The following CPXM2 variants were observed in gnomAD, a reference collection of about 807,000 sequenced individuals.
CPXM2 encodes inactive carboxypeptidase-like protein X2.
In CPXM2, 66 loss-of-function variants were observed where a neutral mutation model predicts 86.1. The observed-to-expected ratio is 0.77, with a 90% CI of 0.63 to 0.94. The LOEUF (loss-of-function observed/expected upper bound fraction) is 0.94. Among genes scored for constraint, CPXM2 ranks in the 40% least tolerant of loss-of-function variants. The pLI is 0.00. For missense variants in CPXM2, 948 were observed against 1,026.3 expected, an observed-to-expected ratio of 0.92 and a Z score of 1.04; for synonymous variants, 388 against 400.2, an observed-to-expected ratio of 0.97 and a Z score of 0.36.
At chr10:123,796,881 C>T (rs144331988) in intron 6 of CPXM2, among the ~76,000 whole-genome samples, 5 of 152,276 alleles carry the variant, frequency 3.3e-5, no homozygotes, top group East Asian at 3.9e-4. Context: ...GGGTGGACTG[C>T]GGGTGAACAG....
At chr10:123,840,145 C>T (rs2134150323) in intron 4 of CPXM2, among the ~76,000 whole-genome samples, 1 of 152,310 alleles carries the variant, frequency 6.6e-6, no homozygotes, top group Non-Finnish European at 1.5e-5. Flanking sequence ...AGGCAAAAAT[C>T]CCCATGGATA....
chr10:123,750,769 T>C (rs778437839), intron 13 of CPXM2: 4 of 985,344 alleles, frequency 4.1e-6, no homozygotes, highest in Non-Finnish European at 4.8e-6. Context: ...ATGAGGGGTG[T>C]TGGCCATGTC....
chr10:123,883,907 AG>A lies in CPXM2; in HGVS notation c.305-3599del, dbSNP rs1249930097. On this transcript the variant is annotated intron_variant, in intron 1 of 13. Transcript: ENST00000241305. ...GGAAACAGTGTGCAGAGAAGGGGCC[AG>A]GATCAAGCCAGCATCTCCATCTGGG... Among the ~76,000 whole-genome samples, 15 of 152,240 alleles carry A rather than the reference AG, an allele frequency of 9.9e-5. 1 individual carries two copies.
chr10:123,761,816 A>C (rs1589969755), intron 11 of CPXM2, 56 bp downstream of exon 11: 1 of 1,516,780 alleles, frequency 6.6e-7, no homozygotes, highest in Non-Finnish European at 9.0e-7. Flanking sequence ...CCAGGAGGAG[A>C]CCCCTGCAGC....
At chr10:123,859,153 G>T (rs1285786439) in intron 3 of CPXM2, among the ~76,000 whole-genome samples, 1 of 152,216 alleles carries the variant, frequency 6.6e-6, no homozygotes, top group East Asian at 1.9e-4. Context: ...GCCTGCACTA[G>T]GGTATTAAAC....
chr10:123,758,192 G>A (rs1470870753), intron 11 of CPXM2, among the ~76,000 whole-genome samples: 2 of 152,118 alleles, frequency 1.3e-5, no homozygotes, highest in African/African-American at 2.4e-5. Flanking sequence ...TCCTAGGGCC[G>A]CTGTTATAAT....
chr10:123,886,553 C>T (rs1352738273), intron 1 of CPXM2, among the ~76,000 whole-genome samples: 1 of 152,126 alleles, frequency 6.6e-6, no homozygotes, highest in Non-Finnish European at 1.5e-5. Context: ...TGGCTCGCTG[C>T]CCCCTCTGCA....
At position 123,885,844 on chromosome 10, in the gene CPXM2, A is replaced by C. The variant is rs1945170760; in HGVS notation, c.304+5512T>G. Among the ~76,000 whole-genome samples the C allele has an allele frequency of 6.6e-6, 1 of 152,230 alleles. No individual in the cohort carries two copies. The highest frequency in any genetic ancestry group is 6.5e-5 in the Admixed American group (1 of 15,288). ...CAGGCTGCCATTGTCCCCACACTAAAGGTGCCATGAGCTCTAGCAGCCATG... is the reference window on the plus strand; with the variant it reads ...CAGGCTGCCATTGTCCCCACACTAACGGTGCCATGAGCTCTAGCAGCCATG... On this transcript the variant is annotated intron_variant, in intron 1 of 13. Coordinates refer to ENST00000241305, the MANE Select transcript of CPXM2 (RefSeq NM_198148.3). This position sits in a 1 kb window ranked among gnomAD's most constrained non-coding sequence, Gnocchi z 4.0.
chr10:123,895,016 C>T (rs1026542835), upstream of CPXM2, among the ~76,000 whole-genome samples: 44 of 152,272 alleles, frequency 2.9e-4, no homozygotes, highest in African/African-American at 1.1e-3. Context: ...TAAACCTAAC[C>T]CCTCTAGGTA....
intron 4 of CPXM2, among the ~76,000 whole-genome samples, chr10:123,815,898 A>G (rs1847804488): frequency 6.6e-6 from 1 of 152,202 alleles, no homozygotes; most frequent in East Asian, 1.9e-4. Flanking sequence ...AGGAATGTAG[A>G]GTTGGATCAG....
chr10:123,943,492 G>A (rs77034234), upstream of CPXM2, among the ~76,000 whole-genome samples: 2,086 of 152,342 alleles, frequency 0.014, 55 homozygotes, highest in African/African-American at 0.046. Context: ...CAGGGTTTGG[G>A]TGAGCAGCAC....
intron 4 of CPXM2, among the ~76,000 whole-genome samples, chr10:123,828,172 A>AAAAAAAG (rs1340947327): frequency 4.0e-5 from 6 of 150,664 alleles, no homozygotes; most frequent in African/African-American, 1.5e-4. Context: ...CCTCACCTCA[A>AAAAAAAG]AAAAAAGAAA....
At chr10:123,878,987 C>A (rs1362511773) in intron 2 of CPXM2, among the ~76,000 whole-genome samples, 2 of 152,178 alleles carry the variant, frequency 1.3e-5, no homozygotes, top group African/African-American at 4.8e-5. Flanking sequence ...AACACAGCCA[C>A]AGTGTGCACT....
At chr10:123,774,295 C>T (rs898456987) in intron 7 of CPXM2, among the ~76,000 whole-genome samples, 1 of 152,148 alleles carries the variant, frequency 6.6e-6, no homozygotes, top group African/African-American at 2.4e-5. Context: ...TGGCCCACAG[C>T]GGGGTGGCGT....
chr10:123,780,847 C>T (rs908354537), intron 6 of CPXM2, among the ~76,000 whole-genome samples: 1 of 152,152 alleles, frequency 6.6e-6, no homozygotes, highest in Non-Finnish European at 1.5e-5. Context: ...CATGACTGGA[C>T]AATCAGAACA....
intron 13 of CPXM2, among the ~76,000 whole-genome samples, chr10:123,747,637 G>A (rs1351793472): frequency 6.6e-6 from 1 of 152,134 alleles, no homozygotes; most frequent in African/African-American, 2.4e-5. Flanking sequence ...TGGAGCTGAG[G>A]TGGTGCCCAT....
At chr10:123,903,707 C>A (rs1035306499) in intron 2 of CPXM2, among the ~76,000 whole-genome samples, 2 of 152,236 alleles carry the variant, frequency 1.3e-5, no homozygotes, top group Non-Finnish European at 2.9e-5. Context: ...GGCCAAGGGA[C>A]TTTGTAATGT....
At chr10:123,905,142 C>A (rs1945426706) in intron 2 of CPXM2, among the ~76,000 whole-genome samples, 1 of 152,204 alleles carries the variant, frequency 6.6e-6, no homozygotes, top group African/African-American at 2.4e-5. Context: ...TACCGCTGAG[C>A]TATACCCCCA....
chr10:123,816,175 C>A (rs563926340), intron 4 of CPXM2, among the ~76,000 whole-genome samples: 25 of 152,128 alleles, frequency 1.6e-4, no homozygotes, highest in African/African-American at 4.8e-4. Context: ...GAAGATATAC[C>A]CTTTACTAAT....
Sources: gnomAD v4.1 joint callset for allele counts (sites outside exome capture counted in the v4.1 genomes callset) on GRCh38, gnomAD v4.1.1 for gene constraint, Gnocchi (gnomAD v3.1) non-coding constraint, MANE v1.5 for transcripts, NCBI Gene and HGNC (gene_info 2026-07-23, HGNC 2026-07-21) for gene names.